The following HDAC9 variants were observed in gnomAD, a reference collection of about 807,000 sequenced individuals.
HDAC9 encodes the protein MEF-2 interacting transcription repressor (MITR) protein.
HDAC9 carries 41 observed loss-of-function variants against 139.4 expected under a neutral mutation model. The ratio of observed to expected loss-of-function variants is 0.29; its 90% confidence interval spans 0.23 to 0.38. HDAC9 has a LOEUF of 0.38. Among genes scored for constraint, HDAC9 ranks in the 10% least tolerant of loss-of-function variants. The pLI is 1.00. For synonymous variants in HDAC9, 517 were observed against 476.2 expected, an observed-to-expected ratio of 1.09 and a Z score of -1.12; for missense variants, 1,147 against 1,297.0, an observed-to-expected ratio of 0.88 and a Z score of 1.78.
chr7:18,514,147 A>G lies in HDAC9; in HGVS notation c.22+17823A>G, dbSNP rs1802443705. Among the ~76,000 whole-genome samples the G allele has an allele frequency of 3.9e-5, 6 of 152,312 alleles. No individual in the cohort carries two copies. In the South Asian group the frequency reaches 1.0e-3, roughly 26 times the overall value. On this transcript the variant is annotated intron_variant, in intron 2 of 25. Transcript: ENST00000686413. Reference sequence around the variant, plus strand: ...ATCTTTCTTTTTCTGTGGTGTGTATATGCGTTGTATGTGTATATGCATATA... The same window carrying G: ...ATCTTTCTTTTTCTGTGGTGTGTATGTGCGTTGTATGTGTATATGCATATA...
At chr7:18,124,782 C>T (rs886325449) in intron 1 of HDAC9, among the ~76,000 whole-genome samples, 2 of 152,152 alleles carry the variant, frequency 1.3e-5, no homozygotes, top group African/African-American at 4.8e-5. Flanking sequence ...TTTCTGCTTT[C>T]CATATTGCCC....
intron 1 of HDAC9, among the ~76,000 whole-genome samples, chr7:18,292,005 C>T (rs1004612748): frequency 1.3e-5 from 2 of 152,074 alleles, no homozygotes; most frequent in Non-Finnish European, 2.9e-5. Flanking sequence ...TAGAGGTCTT[C>T]CAGGGCTGCA....
intron 2 of HDAC9, among the ~76,000 whole-genome samples, chr7:18,190,545 C>T (rs991653346): frequency 2.6e-5 from 4 of 151,980 alleles, no homozygotes; most frequent in Non-Finnish European, 5.9e-5. Context: ...ATAAAAAGAC[C>T]ACCCAATATT....
chr7:18,801,855 A>G (rs145305984), intron 17 of HDAC9, among the ~76,000 whole-genome samples: 3 of 152,038 alleles, frequency 2.0e-5, no homozygotes, highest in Admixed American at 2.0e-4. Flanking sequence ...AAAATTAGTC[A>G]TATGAATCCG....
chr7:18,957,075 G>A (rs1783203484), intron 24 of HDAC9, among the ~76,000 whole-genome samples: 1 of 152,118 alleles, frequency 6.6e-6, no homozygotes, highest in African/African-American at 2.4e-5. Context: ...TCACCACAAG[G>A]ACAACTTAAA....
chr7:18,250,809 G>A (rs1423173797), intron 2 of HDAC9, among the ~76,000 whole-genome samples: 2 of 151,938 alleles, frequency 1.3e-5, no homozygotes, highest in Admixed American at 1.3e-4. Flanking sequence ...TTTAGTAATA[G>A]CCATTCTGAC....
intron 2 of HDAC9, among the ~76,000 whole-genome samples, chr7:18,253,890 C>G (rs1424619427): frequency 6.6e-6 from 1 of 152,204 alleles, no homozygotes; most frequent in African/African-American, 2.4e-5. Context: ...GCCATCACCT[C>G]TGACCACCTT....
intron 1 of HDAC9, among the ~76,000 whole-genome samples, chr7:18,113,314 A>G (rs76820837): frequency 0.013 from 1,948 of 152,314 alleles, 39 homozygotes; most frequent in African/African-American, 0.044. Context: ...TCTCTGAACT[A>G]TTATGCTGTA....
At chr7:18,526,716 G>C (rs1807045724) in intron 2 of HDAC9, among the ~76,000 whole-genome samples, 1 of 152,074 alleles carries the variant, frequency 6.6e-6, no homozygotes, top group South Asian at 2.1e-4. Context: ...TAGTACAAAG[G>C]ATCTATGGCT....
chr7:18,227,579 C>T (rs1347228175), intron 2 of HDAC9, among the ~76,000 whole-genome samples: 1 of 151,992 alleles, frequency 6.6e-6, no homozygotes, highest in East Asian at 1.9e-4. Context: ...TTCTTAGGTG[C>T]AGATAAAGAG....
At chr7:18,212,388 G>A (rs1164745629) in intron 2 of HDAC9, among the ~76,000 whole-genome samples, 1 of 151,998 alleles carries the variant, frequency 6.6e-6, no homozygotes, top group Non-Finnish European at 1.5e-5. Flanking sequence ...TATTAACCCT[G>A]TCTGTGATGA....
rs36203178 is a variant in HDAC9 at position 18,568,026 on chromosome 7, G to GTATATATATATATATA, written c.23-17243_23-17228dup. Among the ~76,000 whole-genome samples, 527 of 126,726 alleles carry GTATATATATATATATA rather than the reference G, an allele frequency of 4.2e-3. 8 individuals are homozygous for GTATATATATATATATA. The highest frequency in any genetic ancestry group is 0.011 in the African/African-American group (356 of 32,656). The allele number at this position is 126,726 out of a possible 152,430, so 83.1% of individuals were successfully genotyped here. A position where few individuals can be genotyped will look rare whatever the true frequency, so the allele number is the denominator to read the frequency against. The stretch of plus-strand genomic sequence containing the variant: ...TTATACATACAGGATATATGTATAT[G>GTATATATATATATATA]TATATATATATATATATATATATAT... On this transcript the variant is annotated intron_variant, in intron 2 of 25. Transcript: ENST00000686413.
At chr7:18,831,878 T>G (rs983495792) in intron 19 of HDAC9, among the ~76,000 whole-genome samples, 1 of 152,202 alleles carries the variant, frequency 6.6e-6, no homozygotes. Flanking sequence ...CTCCACAAAT[T>G]ACAGCGCCAA....
chr7:18,577,039 T>G (rs1462227219), intron 2 of HDAC9, among the ~76,000 whole-genome samples: 1 of 152,244 alleles, frequency 6.6e-6, no homozygotes. Context: ...TTATTCTACT[T>G]TAAATCATTT....
intron 2 of HDAC9, among the ~76,000 whole-genome samples, chr7:18,187,036 G>A (rs888730115): frequency 3.9e-5 from 6 of 152,150 alleles, no homozygotes; most frequent in African/African-American, 1.4e-4. Flanking sequence ...ACTGCCTAAT[G>A]GGCAAACCCT....
chr7:18,846,893 C>T (rs1387869059), intron 21 of HDAC9, among the ~76,000 whole-genome samples: 1 of 152,134 alleles, frequency 6.6e-6, no homozygotes, highest in Non-Finnish European at 1.5e-5. Context: ...AGATAATTGG[C>T]TCTAATGAAA....
intron 1 of HDAC9, among the ~76,000 whole-genome samples, chr7:18,360,870 A>T (rs942840532): frequency 6.6e-6 from 1 of 152,214 alleles, no homozygotes; most frequent in Admixed American, 6.5e-5. Flanking sequence ...TTCATACTAG[A>T]CAAATAATGA....
Position 18,497,680 on chromosome 7 carries a change from T to C in HDAC9, c.22+1356T>C, listed in dbSNP as rs191566424. On this transcript the variant is annotated intron_variant, in intron 2 of 25. Coordinates refer to ENST00000686413, the MANE Select transcript of HDAC9 (RefSeq NM_178425.4). ...CGGGAGGGTTTAACAGGTATGTCTC[T>C]AATGGGACTGGTCATTTAACTTAGC... Among the ~76,000 whole-genome samples the C allele has an allele frequency of 6.8e-3, 1,038 of 152,294 alleles. 5 individuals carry two copies. Among genetic ancestry groups the C allele is most frequent in the Non-Finnish European group, 0.01 (681 of 68,008 alleles).
chr7:18,994,981 A>G (rs995581721), intron 25 of HDAC9, among the ~76,000 whole-genome samples: 14 of 152,084 alleles, frequency 9.2e-5, no homozygotes, highest in Non-Finnish European at 7.4e-5. Flanking sequence ...CAAAGGCATA[A>G]CTCTGCATTT....
Sources: gnomAD v4.1 joint callset for allele counts (sites outside exome capture counted in the v4.1 genomes callset) on GRCh38, gnomAD v4.1.1 for gene constraint, MANE v1.5 for transcripts, NCBI Gene and HGNC (gene_info 2026-07-23, HGNC 2026-07-21) for gene names.